The following ABCA4 variants were observed in gnomAD, a reference collection of about 807,000 sequenced individuals.
ABCA4 encodes the protein retinal-specific phospholipid-transporting ATPase ABCA4.
In ABCA4, 196 loss-of-function variants were observed where a neutral mutation model predicts 263.7. That is an observed-to-expected ratio of 0.74 (90% confidence interval 0.66 to 0.84). The LOEUF (loss-of-function observed/expected upper bound fraction) is 0.84. ABCA4 is among the 40% of genes least tolerant of loss of function. ABCA4 has a pLI of 0.00. For synonymous variants in ABCA4, 1,133 were observed against 1,094.2 expected (o/e 1.04, Z -0.70); for missense variants, 2,792 against 2,855.1 (o/e 0.98, Z 0.50).
intron 28 of ABCA4, 139 bp downstream of exon 28, chr1:94,030,857 T>G: frequency 7.6e-7 from 1 of 1,321,442 alleles, no homozygotes; most frequent in South Asian, 1.3e-5. Flanking sequence ...AGTTCCTTTC[T>G]GCAGGCAGCC....
intron 21 of ABCA4, 111 bp from the exon 22 acceptor site, chr1:94,043,009 C>T: frequency 6.8e-7 from 1 of 1,473,494 alleles, no homozygotes; most frequent in Non-Finnish European, 9.4e-7. Flanking sequence ...TGGTTTGGTG[C>T]TGCCTCTTAG....
In ABCA4 at chr1:94,030,428, G is replaced by A. The variant is rs747928913; in HGVS notation, c.4352C>T (p.Pro1451Leu). 12 of 1,614,048 alleles carry A rather than the reference G, an allele frequency of 7.4e-6. No individual in the cohort carries two copies. Among genetic ancestry groups the A allele is most frequent in the South Asian group, 5.5e-5 (5 of 91,084 alleles). ...GNRCLKEGWLPEYPCGNSTPW... is the reference protein window; with the variant it reads ...GNRCLKEGWLLEYPCGNSTPW... ...AGGACAGGGGCGCGTAGGCACTTAC[G>A]GAAGCCACCCTTCCTTCAGGCAGCG... The change falls in exon 29 of 50, where the codon CCG becomes CTG. Residue 1451 changes from proline to leucine, a missense_variant and splice_region_variant. Pro to Leu is a moderately conservative substitution (Grantham distance 98). Coordinates refer to ENST00000370225, the MANE Select transcript of ABCA4 (RefSeq NM_000350.3).
chr1:94,011,324 A>G lies in ABCA4; in HGVS notation c.5522T>C (p.Leu1841Pro). Reference sequence around the variant, plus strand: ...TGCAAGGTCAATGAGGCCCCGGCCCAGGCAGAAGTGGGGGAAGACAATGAG... The same window carrying G: ...TGCAAGGTCAATGAGGCCCCGGCCCGGGCAGAAGTGGGGGAAGACAATGAG... Reference protein sequence around the residue: ...KLLIVFPHFCLGRGLIDLALS... With the variant: ...KLLIVFPHFCPGRGLIDLALS... The change falls in exon 39 of 50, where the codon CTG becomes CCG. Residue 1841 changes from leucine (L) to proline (P), a missense_variant. By Grantham distance (98) the Leu-to-Pro change is moderately conservative. Coordinates refer to ENST00000370225, the MANE Select transcript of ABCA4 (RefSeq NM_000350.3). 6.2e-7 allele frequency: 1 copy of G among 1,614,096 alleles called. No homozygotes were observed. The highest frequency in any genetic ancestry group is 8.5e-7 in the Non-Finnish European group (1 of 1,180,016).
intron 8 of ABCA4, 136 bp from the exon 9 acceptor site, chr1:94,079,597 C>T: frequency 1.6e-6 from 2 of 1,274,780 alleles, no homozygotes; most frequent in Non-Finnish European, 1.1e-6. Context: ...AATTAATAGG[C>T]TGTACCCCAC....
intron 26 of ABCA4, among the ~76,000 whole-genome samples, chr1:94,032,499 G>A (rs1165651188): frequency 6.6e-6 from 1 of 152,144 alleles, no homozygotes; most frequent in Non-Finnish European, 1.5e-5. Context: ...AGCCAGGCAT[G>A]GTGGCAGGCA....
In ABCA4 at chr1:94,077,777, G is replaced by A; in HGVS notation, c.1467C>T (p.Ser489=). 6.2e-7 allele frequency: 1 copy of A among 1,614,188 alleles called. No homozygotes were observed. Among genetic ancestry groups the A allele is most frequent in the Non-Finnish European group, 8.5e-7 (1 of 1,180,028 alleles). ...LNFLYKGPRE[S]QADDMANFDW... ...CGAAGTTGGCCATGTCGTCAGCCTG[G>A]CTTTCCCGAGGGCCCTTGTAGAGGA... Residue 489 remains serine (S), a synonymous_variant, in exon 11 of 50, where the codon AGC becomes AGT. Coordinates refer to ENST00000370225, the MANE Select transcript of ABCA4 (RefSeq NM_000350.3).
chr1:94,030,825 C>T (rs1324628629), intron 28 of ABCA4, among the ~76,000 whole-genome samples, 171 bp downstream of exon 28: 1 of 152,142 alleles, frequency 6.6e-6, no homozygotes, highest in Non-Finnish European at 1.5e-5. Flanking sequence ...GATCGCCTTT[C>T]CAAGCAGTGG....
In ABCA4 at chr1:94,098,762, G is replaced by A. The variant is rs368796406; in HGVS notation, c.768+32C>T. On this transcript the variant is annotated intron_variant, in intron 6 of 49. Coordinates refer to ENST00000370225, the MANE Select transcript of ABCA4 (RefSeq NM_000350.3). ...GCTCTGCTACCCCAGGAATCACCTT[G>A]CAATTGGCGAGCAGCCAAACCCCTC... 10 of 1,610,600 alleles carry A rather than the reference G, an allele frequency of 6.2e-6. No individual in the cohort carries two copies. The African/African-American group carries it at 1.3e-4, about 22-fold the overall frequency.
At chr1:94,070,511 C>T (rs3789412) in intron 11 of ABCA4, among the ~76,000 whole-genome samples, 39,429 of 151,974 alleles carry the variant, frequency 0.26, 5,480 homozygotes, top group East Asian at 0.59. Flanking sequence ...CTTTACAGCC[C>T]AGAGAAGCAT....
chr1:94,069,431 G>A (rs1661351658), intron 11 of ABCA4, among the ~76,000 whole-genome samples: 1 of 152,214 alleles, frequency 6.6e-6, no homozygotes, highest in Admixed American at 6.5e-5. Flanking sequence ...GACGTGCTAG[G>A]AGTGAGGTCT....
At chr1:94,019,864 T>A in intron 35 of ABCA4, 105 bp from the exon 36 acceptor site, 1 of 1,281,658 alleles carries the variant, frequency 7.8e-7, no homozygotes, top group Non-Finnish European at 1.1e-6. Context: ...CCCGCCCAGG[T>A]GTGGCCTCCA....
At chr1:94,008,952 CT>C in intron 40 of ABCA4, 81 bp from the exon 41 acceptor site, 6 of 1,572,992 alleles carry the variant, frequency 3.8e-6, no homozygotes, top group Non-Finnish European at 5.2e-6. Flanking sequence ...CTCTCTTCCA[CT>C]TCCTTGCTTC....
At chr1:94,046,222 C>G (rs1031309808) in intron 19 of ABCA4, among the ~76,000 whole-genome samples, 1 of 145,624 alleles carries the variant, frequency 6.9e-6, no homozygotes, top group African/African-American at 2.5e-5. Flanking sequence ...GCGGGCAGAT[C>G]ACCTGAGGTC....
At chr1:94,114,964 C>T (rs1662718061) in intron 1 of ABCA4, among the ~76,000 whole-genome samples, 1 of 152,222 alleles carries the variant, frequency 6.6e-6, no homozygotes, top group East Asian at 1.9e-4. Flanking sequence ...TAAATATCCA[C>T]GGAATGAGTG....
rs887110547 is a variant in ABCA4 at position 94,040,188 on chromosome 1, T to C, written c.3523-61A>G. 3.7e-6 allele frequency: 5 copies of C among 1,351,698 alleles called. No homozygotes were observed. In the African/African-American group the frequency reaches 4.3e-5, roughly 12 times the overall value. 83.7% of individuals were successfully genotyped at this position (1,351,698 alleles called of 1,614,324 possible). A position where few individuals can be genotyped will look rare whatever the true frequency, so the allele number is the denominator to read the frequency against. ...CATCCCTTCCATGACAGCCTCTCCC[T>C]GATGCCAGCTGCTGTCACCGCCCGC... On this transcript the variant is annotated intron_variant, in intron 23 of 49. Transcript: ENST00000370225.
chr1:94,008,208 T>A (rs776011812), intron 42 of ABCA4, 27 bp downstream of exon 42: 8 of 1,612,418 alleles, frequency 5.0e-6, no homozygotes, highest in Non-Finnish European at 5.9e-6. Context: ...TCGGAAGCCT[T>A]TCACACGTGG....
chr1:94,080,691 A>G lies in ABCA4; in HGVS notation c.886T>C (p.Leu296=), dbSNP rs747346334. 8.7e-6 allele frequency: 14 copies of G among 1,614,150 alleles called. No homozygotes were observed. Among genetic ancestry groups the G allele is most frequent in the Non-Finnish European group, 1.2e-5 (14 of 1,180,046 alleles). The change falls in exon 8 of 50, where the codon TTG becomes CTG. Residue 296 remains leucine (L), a synonymous_variant. Transcript: ENST00000370225. The part of the protein sequence containing the change: ...EFIHRPSMQD[L]LWVTRPLMQN... ...ATGAGGGGCCTGGTCACCCACAGCA[A>G]GTCCTGCATACTCGGCCGATGGATA...
chr1:94,063,033 T>A (rs963124268), intron 12 of ABCA4, 79 bp downstream of exon 12: 4 of 1,358,502 alleles, frequency 2.9e-6, no homozygotes, highest in Non-Finnish European at 4.2e-6. Context: ...ATGAGTCCAG[T>A]CTCAATCCCT....
At chr1:94,030,783 G>A (rs1449233746) in intron 28 of ABCA4, among the ~76,000 whole-genome samples, 1 of 152,036 alleles carries the variant, frequency 6.6e-6, no homozygotes, top group South Asian at 2.1e-4. Context: ...TTCCCCATTC[G>A]GCCTTCCCAA....
Sources: allele counts gnomAD v4.1 joint callset (sites outside exome capture counted in the v4.1 genomes callset), GRCh38; gene constraint gnomAD v4.1.1; transcripts MANE v1.5; gene names NCBI Gene and HGNC (gene_info 2026-07-23, HGNC 2026-07-21).